The following N4BP2L2 variants were observed in gnomAD, a reference collection of about 807,000 sequenced individuals.
The protein encoded by N4BP2L2 is NEDD4-binding protein 2-like 2.
Under a neutral mutation model 56.2 loss-of-function variants are expected in N4BP2L2, and 50 were observed. The observed-to-expected ratio is 0.89, with a 90% CI of 0.71 to 1.13. N4BP2L2 has a LOEUF of 1.13. Ranked by LOEUF, N4BP2L2 falls within the 50% of genes most tolerant of loss-of-function variation. N4BP2L2 has a pLI of 0.00. For missense variants in N4BP2L2, 689 were observed against 693.8 expected (o/e 0.99, Z 0.08); for synonymous variants, 203 against 223.6 (o/e 0.91, Z 0.82).
chr13:32,456,484 G>C (rs545251732), intron 6 of N4BP2L2, among the ~76,000 whole-genome samples: 2 of 152,248 alleles, frequency 1.3e-5, no homozygotes, highest in Non-Finnish European at 2.9e-5. Context: ...AAGGAAATAT[G>C]ACAACTCGAA....
At chr13:32,518,046 T>C (rs1216893275) in intron 5 of N4BP2L2, 43 bp from the exon 6 acceptor site, 2 of 1,587,412 alleles carry the variant, frequency 1.3e-6, no homozygotes, top group Non-Finnish European at 8.6e-7. Context: ...TTGCAGAATG[T>C]ACAGGCTTAG....
chr13:32,445,065 G>A (rs1210499551), intron 6 of N4BP2L2, among the ~76,000 whole-genome samples: 4 of 152,060 alleles, frequency 2.6e-5, no homozygotes, highest in African/African-American at 9.7e-5. Flanking sequence ...CCTGGCCAAC[G>A]TGGCGAAACC....
chr13:32,458,394 T>C (rs1037254451), intron 6 of N4BP2L2, among the ~76,000 whole-genome samples: 2 of 152,160 alleles, frequency 1.3e-5, no homozygotes, highest in Non-Finnish European at 2.9e-5. Flanking sequence ...CCCAATTACA[T>C]GCTGCCTACA....
exon 6 of N4BP2L2, chr13:32,516,826 A>G (rs2049329277): frequency 1.2e-5 from 10 of 842,212 alleles, no homozygotes; most frequent in Non-Finnish European, 1.3e-5. Context: ...AGAAATGCTT[A>G]ATTATCTAGG....
exon 7 of N4BP2L2, chr13:32,443,997 A>G: frequency 6.2e-7 from 1 of 1,608,724 alleles, no homozygotes; most frequent in African/African-American, 1.3e-5. Flanking sequence ...CCGGTGTAAG[A>G]TCACTTAAGA....
At chr13:32,456,643 T>A (rs139709630) in intron 6 of N4BP2L2, among the ~76,000 whole-genome samples, 16 of 152,048 alleles carry the variant, frequency 1.1e-4, no homozygotes, top group Middle Eastern at 3.4e-3. Flanking sequence ...AGAAAAACAA[T>A]TCAAGATATG....
At chr13:32,448,194 T>A (rs887101344) in intron 6 of N4BP2L2, among the ~76,000 whole-genome samples, 1 of 152,084 alleles carries the variant, frequency 6.6e-6, no homozygotes, top group Non-Finnish European at 1.5e-5. Flanking sequence ...CCCTGGGAAA[T>A]AAGAGACTTG....
intron 6 of N4BP2L2, chr13:32,478,121 T>A: frequency 8.4e-7 from 1 of 1,183,584 alleles, no homozygotes; most frequent in Non-Finnish European, 1.1e-6. Flanking sequence ...ATAAAGTAAA[T>A]AACGTCTACG....
chr13:32,478,090 ACTGGAATGAAGATATG>A, intron 6 of N4BP2L2: 1 of 1,277,158 alleles, frequency 7.8e-7, no homozygotes, highest in Non-Finnish European at 1.0e-6. Context: ...CAGCTTATAC[ACTGGAATGAAGATATG>A]CATTATAAAG....
chr13:32,535,420 T>C (rs1208688037), intron 2 of N4BP2L2, among the ~76,000 whole-genome samples: 1 of 152,220 alleles, frequency 6.6e-6, no homozygotes, highest in Non-Finnish European at 1.5e-5. Context: ...AATATAAACA[T>C]ATGCCAATTC....
chr13:32,537,936 G>T (rs912920291), intron 1 of N4BP2L2, among the ~76,000 whole-genome samples: 1 of 152,024 alleles, frequency 6.6e-6, no homozygotes, highest in African/African-American at 2.4e-5. Context: ...CGGGCATGGG[G>T]GCGCGCACTT....
intron 6 of N4BP2L2, among the ~76,000 whole-genome samples, chr13:32,492,921 T>G (rs1367990007): frequency 3.5e-5 from 5 of 143,552 alleles, no homozygotes; most frequent in African/African-American, 1.1e-4. Flanking sequence ...TTTCTGTTTT[T>G]TTTTTTTTTT....
At chr13:32,508,835 T>C (rs1268883701), downstream of N4BP2L2, 1 of 152,178 alleles carries the variant, frequency 6.6e-6, no homozygotes, top group Non-Finnish European at 1.5e-5. Context: ...AAAAAGTGAT[T>C]ATGAACTTTT....
intron 6 of N4BP2L2, among the ~76,000 whole-genome samples, chr13:32,471,731 G>A (rs571928758): frequency 2.6e-4 from 39 of 152,340 alleles, no homozygotes; most frequent in Admixed American, 7.8e-4. Context: ...GAGCTGCTGC[G>A]AGAGAGCTGC....
intron 5 of N4BP2L2, among the ~76,000 whole-genome samples, chr13:32,520,661 A>G (rs1359398989): frequency 6.6e-6 from 1 of 151,954 alleles, no homozygotes; most frequent in Admixed American, 6.6e-5. Context: ...TCCATCTCAA[A>G]AAAAAAAAAG....
intron 1 of N4BP2L2, among the ~76,000 whole-genome samples, chr13:32,538,055 A>C (rs1303523803): frequency 3.0e-5 from 3 of 100,554 alleles, no homozygotes; most frequent in African/African-American, 1.2e-4. Flanking sequence ...TGGGCGACAG[A>C]GGGAGACCCC....
chr13:32,492,859 T>C (rs1221257210), intron 6 of N4BP2L2, among the ~76,000 whole-genome samples: 1 of 151,200 alleles, frequency 6.6e-6, no homozygotes, highest in Non-Finnish European at 1.5e-5. Flanking sequence ...TTAAAGCTCA[T>C]CATTTATACA....
chr13:32,433,623 AAAT>A (rs954730760), intron 9 of N4BP2L2, among the ~76,000 whole-genome samples: 4 of 151,260 alleles, frequency 2.6e-5, no homozygotes, highest in Non-Finnish European at 5.9e-5. Flanking sequence ...TTCCATCTCA[AAAT>A]AATAATAATA....
At chr13:32,471,658 G>GT (rs1369248539) in intron 6 of N4BP2L2, among the ~76,000 whole-genome samples, 2 of 152,276 alleles carry the variant, frequency 1.3e-5, no homozygotes, top group African/African-American at 4.8e-5. Flanking sequence ...GAATGCAGCT[G>GT]TGTGTGGGAG....
Sources: allele counts gnomAD v4.1 joint callset (sites outside exome capture counted in the v4.1 genomes callset), GRCh38; gene constraint gnomAD v4.1.1; transcripts MANE v1.5; gene names NCBI Gene and HGNC (gene_info 2026-07-23, HGNC 2026-07-21).